Variants in TULP4 observed in about 807,000 individuals in gnomAD.
The protein encoded by TULP4 is TUB like protein 4, also known as tubby-related protein 4.
In TULP4, 16 loss-of-function variants were observed where a neutral mutation model predicts 129.0. That is an observed-to-expected ratio of 0.12 (90% CI 0.08 to 0.19). The LOEUF (loss-of-function observed/expected upper bound fraction) is 0.19. Ranked by LOEUF, TULP4 falls within the 10% of genes least tolerant of loss-of-function variation. The pLI is 1.00. For missense variants in TULP4, 1,842 were observed against 2,059.1 expected, an observed-to-expected ratio of 0.89 and a Z score of 2.04; for synonymous variants, 998 against 854.0, an observed-to-expected ratio of 1.17 and a Z score of -2.94.
intron 3 of TULP4, among the ~76,000 whole-genome samples, chr6:158,448,316 C>T (rs341135): frequency 0.42 from 63,398 of 151,976 alleles, 14,536 homozygotes; most frequent in African/African-American, 0.62. Flanking sequence ...GCAAAACTAG[C>T]GCCTAACTCA....
intron 1 of TULP4, among the ~76,000 whole-genome samples, chr6:158,388,642 A>G (rs1229803255): frequency 9.2e-6 from 1 of 108,408 alleles, no homozygotes; most frequent in Non-Finnish European, 1.9e-5. Context: ...TAATCTGCTC[A>G]TTTTCTAATG....
chr6:158,460,141 T>C (rs1273961607), intron 5 of TULP4, among the ~76,000 whole-genome samples: 2 of 152,248 alleles, frequency 1.3e-5, no homozygotes, highest in African/African-American at 4.8e-5. Context: ...CCGTGTTCCC[T>C]GGGTCTGGAA....
chr6:158,268,624 A>C (rs972692578), intron 1 of TULP4, among the ~76,000 whole-genome samples: 1 of 152,174 alleles, frequency 6.6e-6, no homozygotes, highest in Non-Finnish European at 1.5e-5. Context: ...ATTTGGTATT[A>C]GGTTCCAACA....
At chr6:158,414,517 C>T (rs182047350) in intron 2 of TULP4, among the ~76,000 whole-genome samples, 1 of 130,152 alleles carries the variant, frequency 7.7e-6, no homozygotes, top group Non-Finnish European at 1.8e-5. Flanking sequence ...GGTTCTACCA[C>T]CTTGTCTGGC....
chr6:158,480,447 T>G (rs1019701730), intron 7 of TULP4, among the ~76,000 whole-genome samples: 4 of 152,224 alleles, frequency 2.6e-5, no homozygotes, highest in Non-Finnish European at 5.9e-5. Flanking sequence ...TAGGGCCTGC[T>G]CTCAGCACTG....
chr6:158,441,204 G>T (rs1266927753), intron 3 of TULP4, among the ~76,000 whole-genome samples: 1 of 151,916 alleles, frequency 6.6e-6, no homozygotes, highest in Non-Finnish European at 1.5e-5. Flanking sequence ...ATCCCAGCTA[G>T]TCGGGAGGCT....
At chr6:158,443,069 C>T (rs1045586951) in intron 3 of TULP4, among the ~76,000 whole-genome samples, 11 of 152,060 alleles carry the variant, frequency 7.2e-5, no homozygotes, top group South Asian at 2.1e-4. Context: ...CTGCAACCTC[C>T]GCCTCCTGGG....
intron 1 of TULP4, among the ~76,000 whole-genome samples, chr6:158,349,002 GCGC>G (rs1780399278): frequency 4.5e-5 from 3 of 66,268 alleles, no homozygotes; most frequent in Non-Finnish European, 1.0e-4. Flanking sequence ...CCGGGCAGAG[GCGC>G]TCCTCACTTC....
intron 3 of TULP4, among the ~76,000 whole-genome samples, chr6:158,443,603 C>T (rs905550668): frequency 5.3e-5 from 8 of 152,052 alleles, no homozygotes; most frequent in Middle Eastern, 3.4e-3. Context: ...TCTTCTTCTC[C>T]GAAAATCTTT....
chr6:158,318,291 C>T (rs1031561982), intron 1 of TULP4, among the ~76,000 whole-genome samples: 1 of 152,066 alleles, frequency 6.6e-6, no homozygotes. Context: ...GAGACCCTGC[C>T]TCTACTCTCC....
upstream of TULP4, among the ~76,000 whole-genome samples, chr6:158,277,424 T>C (rs1778667113): frequency 6.6e-6 from 1 of 152,256 alleles, no homozygotes; most frequent in Non-Finnish European, 1.5e-5. Context: ...GATTAGCCTG[T>C]GTAGCAATGA....
At chr6:158,416,741 C>T (rs1778219367) in intron 2 of TULP4, among the ~76,000 whole-genome samples, 1 of 152,228 alleles carries the variant, frequency 6.6e-6, no homozygotes, top group African/African-American at 2.4e-5. Context: ...CCTTCAGTCA[C>T]TCTCCACTCA....
At chr6:158,429,697 CA>C (rs2115058966) in intron 2 of TULP4, 38 bp from the exon 3 acceptor site, 1 of 1,587,446 alleles carries the variant, frequency 6.3e-7, no homozygotes, top group East Asian at 2.3e-5. Context: ...TTTTCCTTTT[CA>C]GATTACAAAT....
chr6:158,464,593 C>T (rs767248897), intron 6 of TULP4, among the ~76,000 whole-genome samples: 1 of 152,186 alleles, frequency 6.6e-6, no homozygotes, highest in Non-Finnish European at 1.5e-5. Flanking sequence ...AGCAGTTCTG[C>T]TTTCACCCTG....
chr6:158,423,046 G>T (rs997989325), intron 2 of TULP4, among the ~76,000 whole-genome samples: 2 of 151,878 alleles, frequency 1.3e-5, no homozygotes, highest in African/African-American at 4.8e-5. Flanking sequence ...GGAGGCAGAG[G>T]CCGGAGGATA....
chr6:158,255,886 C>G (rs1294622657), intron 1 of TULP4, among the ~76,000 whole-genome samples: 1 of 152,204 alleles, frequency 6.6e-6, no homozygotes, highest in Non-Finnish European at 1.5e-5. Flanking sequence ...CAGAATTGAT[C>G]TAGTCAGAAG....
intron 1 of TULP4, among the ~76,000 whole-genome samples, chr6:158,362,930 C>CCCGAGT (rs1428024279): frequency 6.6e-6 from 1 of 152,052 alleles, no homozygotes; most frequent in South Asian, 2.1e-4. Context: ...GGTGCAGTGG[C>CCCGAGT]AGGTGCCTGT....
intron 2 of TULP4, among the ~76,000 whole-genome samples, chr6:158,422,765 G>C (rs1778376288): frequency 1.3e-5 from 2 of 152,218 alleles, no homozygotes; most frequent in East Asian, 3.8e-4. Context: ...GGTTTGACCA[G>C]GCATGTGATT....
intron 1 of TULP4, among the ~76,000 whole-genome samples, chr6:158,349,769 A>C (rs1312661363): frequency 2.7e-5 from 2 of 73,426 alleles, no homozygotes; most frequent in African/African-American, 1.1e-4. Context: ...GGGCAGAGGC[A>C]CTCCTCACTT....
Sources: gnomAD v4.1 joint callset for allele counts (sites outside exome capture counted in the v4.1 genomes callset) on GRCh38, gnomAD v4.1.1 for gene constraint, MANE v1.5 for transcripts, NCBI Gene and HGNC (gene_info 2026-07-23, HGNC 2026-07-21) for gene names.